The following DOK5 variants were observed in gnomAD, a reference collection of about 807,000 sequenced individuals.
The protein encoded by DOK5 is downstream of tyrosine kinase 5.
In DOK5, 27 loss-of-function variants were observed where a neutral mutation model predicts 43.3. The observed-to-expected ratio is 0.62, with a 90% CI of 0.46 to 0.86. The LOEUF (loss-of-function observed/expected upper bound fraction) is 0.86. DOK5 is among the 40% of genes least tolerant of loss of function. DOK5 has a pLI of 0.00. For missense variants in DOK5, 373 were observed against 392.9 expected (o/e 0.95, Z 0.43); for synonymous variants, 146 against 140.1 (o/e 1.04, Z -0.30).
At chr20:54,488,848 G>A (rs570792598) in intron 1 of DOK5, among the ~76,000 whole-genome samples, 3 of 147,228 alleles carry the variant, frequency 2.0e-5, no homozygotes, top group African/African-American at 7.6e-5. Flanking sequence ...CATGAAGTAG[G>A]TGTTATTTTA....
chr20:54,479,117 A>G (rs1981559567), intron 1 of DOK5, among the ~76,000 whole-genome samples: 1 of 152,208 alleles, frequency 6.6e-6, no homozygotes, highest in Non-Finnish European at 1.5e-5. Context: ...TTCTAAAAAC[A>G]TTCCCATTCA....
intron 5 of DOK5, among the ~76,000 whole-genome samples, chr20:54,592,828 G>T (rs966930085): frequency 6.6e-6 from 1 of 152,052 alleles, no homozygotes; most frequent in East Asian, 1.9e-4. Context: ...CACCACGCCC[G>T]GCCAGATAAA....
At chr20:54,566,648 G>T (rs1985108345) in intron 2 of DOK5, among the ~76,000 whole-genome samples, 1 of 152,154 alleles carries the variant, frequency 6.6e-6, no homozygotes, top group Admixed American at 6.5e-5. Context: ...ACAGGATCTT[G>T]CTCTGTCACC....
rs530071382 is a variant in DOK5, at chr20:54,643,567, A to G, written c.845A>G (p.Tyr282Cys). 6.2e-7 allele frequency: 1 copy of G among 1,612,728 alleles called. No individual in the cohort carries two copies. The highest frequency in any genetic ancestry group is 1.1e-5 in the South Asian group (1 of 91,056). Residue 282 changes from tyrosine (Y) to cysteine (C), a missense_variant, in exon 7 of 8, where the codon TAC becomes TGC. Transcript: ENST00000262593. The stretch of plus-strand genomic sequence containing the variant: ...CGGCAGCACAGCACGGGACAGCTCT[A>G]CCGCTTGCAAGGTAAGCGTGGGGCT... ...ITRQHSTGQL[Y>C]RLQDVSSPLK... is the part of the protein sequence containing the mutation.
At position 54,650,829 on chromosome 20, in the gene DOK5, C is replaced by T. The variant is rs1297632982; in HGVS notation, c.*350C>T. ...TTTGTGGATTCTTGTGATTTTCCTT[C>T]CAAGTGTTTCAGTTGTATGACAGTC... is the stretch of plus-strand genomic sequence containing the variant. On this transcript the variant is annotated 3_prime_UTR_variant, in exon 8 of 8. Transcript: ENST00000262593. 5.5e-6 allele frequency: 1 copy of T among 183,414 alleles called. No homozygotes were observed. The highest frequency in any genetic ancestry group is 1.4e-4 in the East Asian group (1 of 7,154). The allele number at this position is 183,414 out of a possible 1,614,324, so 11.4% of individuals were successfully genotyped here. A position where few individuals can be genotyped will look rare whatever the true frequency, so the allele number is the denominator to read the frequency against.
chr20:54,503,153 A>T (rs533090185), intron 1 of DOK5, among the ~76,000 whole-genome samples: 30 of 152,310 alleles, frequency 2.0e-4, no homozygotes, highest in African/African-American at 7.2e-4. Flanking sequence ...TAGGAAATAG[A>T]GGTGGAAAGC....
chr20:54,616,784 CT>C (rs550110589), intron 6 of DOK5, among the ~76,000 whole-genome samples: 105 of 105,742 alleles, frequency 9.9e-4, no homozygotes, highest in East Asian at 4.7e-3. Flanking sequence ...TTTTTTTTTT[CT>C]TTTTTTTTTT....
chr20:54,573,190 C>G (rs945385362), intron 2 of DOK5, among the ~76,000 whole-genome samples: 1 of 152,098 alleles, frequency 6.6e-6, no homozygotes, highest in African/African-American at 2.4e-5. Flanking sequence ...GGAATGGTCT[C>G]ATTGAGAGGG....
Position 54,475,986 on chromosome 20 carries a change from G to C in DOK5, c.40G>C (p.Val14Leu). 6.2e-7 allele frequency: 1 copy of C among 1,613,472 alleles called. No individual in the cohort carries two copies. Among genetic ancestry groups the C allele is most frequent in the South Asian group, 1.1e-5 (1 of 90,754 alleles). The change falls in exon 1 of 8, where the codon GTG becomes CTG. Residue 14 changes from valine to leucine, a missense_variant. Physicochemically the swap from Val to Leu is conservative, Grantham distance 32. Coordinates refer to ENST00000262593, the MANE Select transcript of DOK5 (RefSeq NM_018431.5). This position sits in a 1 kb window ranked among gnomAD's most constrained non-coding sequence, Gnocchi z 4.2. ...NFNDIVKQGYVRIRSRRLGIY... is the reference protein window; with the variant it reads ...NFNDIVKQGYLRIRSRRLGIY... ...TAATGACATAGTGAAGCAAGGGTAC[G>C]TGAGGATCCGGAGCAGACGCCTCGG...
At chr20:54,634,096 A>G (rs561564589) in intron 6 of DOK5, among the ~76,000 whole-genome samples, 1 of 152,358 alleles carries the variant, frequency 6.6e-6, no homozygotes, top group Admixed American at 6.5e-5. Context: ...GAAACCAGAA[A>G]TGCATTTGGC....
At chr20:54,482,043 T>C (rs1163892707) in intron 1 of DOK5, among the ~76,000 whole-genome samples, 1 of 152,230 alleles carries the variant, frequency 6.6e-6, no homozygotes, top group Non-Finnish European at 1.5e-5. Flanking sequence ...AACTTGTTTT[T>C]TAGTTAGGAA....
At chr20:54,602,989 G>C (rs1986344203) in intron 5 of DOK5, among the ~76,000 whole-genome samples, 1 of 152,162 alleles carries the variant, frequency 6.6e-6, no homozygotes, top group Non-Finnish European at 1.5e-5. Flanking sequence ...TATTTTTTAA[G>C]TCTGCTTTCA....
chr20:54,490,788 C>T (rs1324138719), intron 1 of DOK5, among the ~76,000 whole-genome samples: 2 of 152,082 alleles, frequency 1.3e-5, no homozygotes, highest in Non-Finnish European at 2.9e-5. Context: ...TGGGGTTTCA[C>T]CATGTTGGCC....
intron 2 of DOK5, among the ~76,000 whole-genome samples, chr20:54,563,085 G>T (rs1984964346): frequency 6.6e-6 from 1 of 152,184 alleles, no homozygotes; most frequent in Non-Finnish European, 1.5e-5. Context: ...AAAGCCAAAG[G>T]TGTCAAGGAC....
intron 1 of DOK5, among the ~76,000 whole-genome samples, chr20:54,489,985 C>A (rs34683517): frequency 6.6e-6 from 1 of 152,118 alleles, no homozygotes; most frequent in Non-Finnish European, 1.5e-5. Context: ...GCCTTTTCAA[C>A]GTTTTGCTAG....
rs1167675370 is a variant in DOK5, at chr20:54,610,551, C to G, written c.735+28C>G. On this transcript the variant is annotated intron_variant, in intron 6 of 7. Transcript: ENST00000262593. ...ACGTTTGGAATTTCTTCCTCGTGTC[C>G]CAGTGCCTATCACTGCAGAAAGCAA... 3 of 1,430,228 alleles carry G rather than the reference C, an allele frequency of 2.1e-6. No individual in the cohort carries two copies. In the East Asian group the frequency reaches 7.7e-5, roughly 37 times the overall value. 88.6% of individuals were successfully genotyped at this position (1,430,228 alleles called of 1,614,324 possible).
chr20:54,509,849 C>T (rs1982951664), intron 1 of DOK5, among the ~76,000 whole-genome samples: 1 of 151,938 alleles, frequency 6.6e-6, no homozygotes. Flanking sequence ...AAAACTAATG[C>T]TGCCTGGGAG....
At chr20:54,597,066 G>A (rs1384881368) in intron 5 of DOK5, among the ~76,000 whole-genome samples, 1 of 152,244 alleles carries the variant, frequency 6.6e-6, no homozygotes, top group Non-Finnish European at 1.5e-5. Flanking sequence ...AAGGCAGGAA[G>A]AGGGTACTGT....
intron 7 of DOK5, among the ~76,000 whole-genome samples, chr20:54,646,246 CTGTTT>C (rs1164975218): frequency 2.5e-5 from 2 of 80,674 alleles, no homozygotes; most frequent in African/African-American, 9.2e-5. Flanking sequence ...ACTGGTTATA[CTGTTT>C]TTTTTTTTTT....
Sources: allele counts gnomAD v4.1 joint callset (sites outside exome capture counted in the v4.1 genomes callset), GRCh38; gene constraint gnomAD v4.1.1; non-coding constraint Gnocchi (gnomAD v3.1); transcripts MANE v1.5; gene names NCBI Gene and HGNC (gene_info 2026-07-23, HGNC 2026-07-21).